The following PROSER1 variants were observed in gnomAD, a reference collection of about 807,000 sequenced individuals.
PROSER1 encodes proline and serine-rich protein 1.
Under a neutral mutation model 71.8 loss-of-function variants are expected in PROSER1, and 36 were observed. That is an observed-to-expected ratio of 0.50 (90% confidence interval 0.38 to 0.66). The LOEUF (loss-of-function observed/expected upper bound fraction) is 0.66. Among genes scored for constraint, PROSER1 ranks in the 30% least tolerant of loss-of-function variants. The pLI, the probability that PROSER1 is intolerant of heterozygous loss-of-function variation, is 0.00. For synonymous variants in PROSER1, 490 were observed against 452.4 expected (o/e 1.08, Z -1.06); for missense variants, 1,107 against 1,135.0 (o/e 0.98, Z 0.35).
In PROSER1 at chr13:39,033,766, TTTTC is replaced by T. The variant is rs2081270902; in HGVS notation, c.111+361_111+364del. ...AAACATATTTCATTATTTGTTCACA[TTTTC>T]TTTTATATTACATGACGAATTTTGT... On this transcript the variant is annotated intron_variant, in intron 2 of 12. Coordinates refer to ENST00000352251, the MANE Select transcript of PROSER1 (RefSeq NM_025138.5). Among the ~76,000 whole-genome samples, 3 of 152,244 alleles carry T rather than the reference TTTTC, an allele frequency of 2.0e-5. No individual in the cohort carries two copies. The South Asian group carries it at 6.2e-4, about 31-fold the overall frequency.
At chr13:39,033,884 C>G (rs1236721527) in intron 2 of PROSER1, among the ~76,000 whole-genome samples, 2 of 152,140 alleles carry the variant, frequency 1.3e-5, no homozygotes, top group Non-Finnish European at 2.9e-5. Flanking sequence ...ACCATAAACA[C>G]TTTGAATTGC....
Position 39,023,089 on chromosome 13 carries a change from C to G in PROSER1, c.606G>C (p.Pro202=). The G allele has an allele frequency of 1.2e-6, 2 of 1,613,054 alleles. No individual in the cohort carries two copies. The highest frequency in any genetic ancestry group is 1.7e-6 in the Non-Finnish European group (2 of 1,179,270). Residue 202 remains proline (P), a synonymous_variant, in exon 8 of 13, where the codon CCG becomes CCC. Coordinates refer to ENST00000352251, the MANE Select transcript of PROSER1 (RefSeq NM_025138.5). ...TTGCATGTGGTCGGCATGGAGGTAT[C>G]GGATAAGGAACAGGTTTATGTGGAT... ...TYNPHKPVPY[P]IPPCRPHATI...
chr13:39,022,353 G>A lies in PROSER1; in HGVS notation c.703C>T (p.Pro235Ser), dbSNP rs778168067. 6.2e-7 allele frequency: 1 copy of A among 1,611,656 alleles called. No homozygotes were observed. The highest frequency in any genetic ancestry group is 8.5e-7 in the Non-Finnish European group (1 of 1,177,844). ...GTTCCTACAGGATTAGGAGTATATG[G>A]AGGTGGAGGTGGAGCTATGACATTC... ...LANVIAPPPP[P>S]YTPNPVGTEN... Residue 235 changes from proline (P) to serine (S), a missense_variant, in exon 9 of 13, where the codon CCA becomes TCA. Pro to Ser is a moderately conservative substitution (Grantham distance 74, BLOSUM62 -1). Coordinates refer to ENST00000352251, the MANE Select transcript of PROSER1 (RefSeq NM_025138.5).
rs1256299411 is a variant in PROSER1 at position 39,037,345 on chromosome 13, AG to A, written c.-104del. 2.3e-6 allele frequency: 2 copies of A among 866,094 alleles called. No individual in the cohort carries two copies. The highest frequency in any genetic ancestry group is 3.3e-5 in the African/African-American group (2 of 59,898). 53.7% of individuals were successfully genotyped at this position (866,094 alleles called of 1,614,324 possible). ...TAGTAAAAAATATTTATAGCTGAGG[AG>A]GAAAAAGACTCCACGAGCAAGAGAG... On this transcript the variant is annotated 5_prime_UTR_variant, in exon 1 of 13. Transcript: ENST00000352251.
chr13:39,037,096 C>T (rs572488022), intron 1 of PROSER1, 102 bp downstream of exon 1: 21 of 882,018 alleles, frequency 2.4e-5, no homozygotes, highest in South Asian at 1.8e-4. Flanking sequence ...ATTTGGCAAT[C>T]CTAGGACCCT....
At chr13:39,024,069 T>C (rs1870426217) in intron 7 of PROSER1, 1 of 165,320 alleles carries the variant, frequency 6.0e-6, no homozygotes, top group African/African-American at 2.4e-5. Flanking sequence ...GGGGTTGTCT[T>C]CTCCTGTCCT....
rs928405540 is a variant in PROSER1, at chr13:39,037,986, C to G, written c.-744G>C. The G allele has an allele frequency of 6.6e-6, 1 of 152,652 alleles. No individual in the cohort carries two copies. Among genetic ancestry groups the G allele is most frequent in the Non-Finnish European group, 1.5e-5 (1 of 68,454 alleles). The allele number at this position is 152,652 out of a possible 1,614,324, so 9.5% of individuals were successfully genotyped here. A position where few individuals can be genotyped will look rare whatever the true frequency, so the allele number is the denominator to read the frequency against. On this transcript the variant is annotated 5_prime_UTR_variant, in exon 1 of 13. Coordinates refer to ENST00000352251, the MANE Select transcript of PROSER1 (RefSeq NM_025138.5). ...GCCCCAACAGCGCCAGACGCCCTGC[C>G]TGGTTACCCCTACAGCCCCCACCAG...
rs541619659 is a variant in PROSER1 at position 39,016,334 on chromosome 13, G to A, written c.775+1166C>T. On this transcript the variant is annotated intron_variant, in intron 10 of 12. Transcript: ENST00000352251. ...AAACTAACACCCTCATTTGACAGAT[G>A]GGCAATCTGAGGCTTGCTATGACTA... Among the ~76,000 whole-genome samples the A allele has an allele frequency of 1.2e-4, 18 of 152,206 alleles. No individual in the cohort carries two copies. In the South Asian group the frequency reaches 3.3e-3, roughly 28 times the overall value.
chr13:39,020,259 C>T, intron 9 of PROSER1, among the ~76,000 whole-genome samples: 1 of 151,970 alleles, frequency 6.6e-6, no homozygotes, highest in East Asian at 1.9e-4. Context: ...GGGAAGAAAA[C>T]ACTACCAGCT....
intron 2 of PROSER1, among the ~76,000 whole-genome samples, chr13:39,033,573 G>A (rs1013051522): frequency 6.6e-6 from 1 of 152,170 alleles, no homozygotes; most frequent in Admixed American, 6.5e-5. Context: ...CCTTGTGTGT[G>A]TGACACACAT....
rs767028747 is a variant in PROSER1, at chr13:39,037,228, G to A, written c.15C>T (p.Ser5=). The change falls in exon 1 of 13, where the codon TCC becomes TCT. Residue 5 remains serine, a synonymous_variant. Transcript: ENST00000352251. ...TAATTTCATCCAGCACCATTTCAAA[G>A]GACTTTTTATCCATCTTGACTACTA... MDKK[S]FEMVLDEIRK... 5 of 1,610,480 alleles carry A rather than the reference G, an allele frequency of 3.1e-6. No homozygotes were observed. The highest frequency in any genetic ancestry group is 1.1e-5 in the South Asian group (1 of 90,984).
chr13:39,025,766 A>G (rs1409442), intron 6 of PROSER1, among the ~76,000 whole-genome samples: 48,924 of 152,116 alleles, frequency 0.32, 9,711 homozygotes, highest in African/African-American at 0.55. Context: ...GGTAATAAAC[A>G]TTTATTGCTT....
rs1416723126 is a variant in PROSER1, at chr13:39,011,318, C to T, written c.*47G>A. 6.3e-7 allele frequency: 1 copy of T among 1,599,604 alleles called. No individual in the cohort carries two copies. The highest frequency in any genetic ancestry group is 1.1e-5 in the South Asian group (1 of 90,162). Reference sequence around the variant, plus strand: ...TTGTCAGATTGTTCATTGCAGTTCTCAGGCAATTCTGATGTTGCTCTGAAG... The same window carrying T: ...TTGTCAGATTGTTCATTGCAGTTCTTAGGCAATTCTGATGTTGCTCTGAAG... On this transcript the variant is annotated 3_prime_UTR_variant, in exon 13 of 13. Transcript: ENST00000352251.
At position 39,034,174 on chromosome 13, in the gene PROSER1, A is replaced by T; in HGVS notation, c.68T>A (p.Leu23Ter). Residue 23 changes from leucine to a stop codon, truncating the protein, a stop_gained, in exon 2 of 13, where the codon TTA becomes TAA. Coordinates refer to ENST00000352251, the MANE Select transcript of PROSER1 (RefSeq NM_025138.5). LOFTEE classifies it high-confidence loss of function. ...IRKAVLTEYK[L>*]KAIEYVHGYF... ...TCCATGCACATATTCAATTGCTTTT[A>T]ATTTGTATTCTGTCAAAACAGCCTA... 6.3e-7 allele frequency: 1 copy of T among 1,589,400 alleles called. No individual in the cohort carries two copies. Among genetic ancestry groups the T allele is most frequent in the Non-Finnish European group, 8.5e-7 (1 of 1,171,064 alleles).
At position 39,011,132 on chromosome 13, in the gene PROSER1, C is replaced by T; in HGVS notation, c.*233G>A. The T allele has an allele frequency of 2.2e-6, 1 of 460,610 alleles. No individual in the cohort carries two copies. The highest frequency in any genetic ancestry group is 4.1e-5 in the East Asian group (1 of 24,648). 28.5% of individuals were successfully genotyped at this position (460,610 alleles called of 1,614,324 possible). The stretch of plus-strand genomic sequence containing the variant: ...TTTTATAGGACAGGTGAAAAGTCTC[C>T]AAACACTTTTTAAATACCATTCTCC... On this transcript the variant is annotated 3_prime_UTR_variant, in exon 13 of 13. Coordinates refer to ENST00000352251, the MANE Select transcript of PROSER1 (RefSeq NM_025138.5).
At chr13:39,030,053 G>T (rs1415512409) in intron 3 of PROSER1, among the ~76,000 whole-genome samples, 2 of 152,168 alleles carry the variant, frequency 1.3e-5, no homozygotes, top group Admixed American at 1.3e-4. Flanking sequence ...ATCAACATAA[G>T]TAAGACTGGT....
intron 2 of PROSER1, among the ~76,000 whole-genome samples, chr13:39,033,794 G>T (rs548792733): frequency 6.6e-6 from 1 of 151,932 alleles, no homozygotes; most frequent in African/African-American, 2.4e-5. Context: ...GACGAATTTT[G>T]TAATTGTCTT....
At chr13:39,027,492 A>T (rs1870602859) in intron 5 of PROSER1, among the ~76,000 whole-genome samples, 2 of 152,178 alleles carry the variant, frequency 1.3e-5, no homozygotes, top group South Asian at 4.1e-4. Flanking sequence ...AAGAAAGAAA[A>T]CTACAGCAGT....
At chr13:39,030,152 G>A (rs1870768284) in intron 3 of PROSER1, among the ~76,000 whole-genome samples, 1 of 152,052 alleles carries the variant, frequency 6.6e-6, no homozygotes, top group Admixed American at 6.5e-5. Flanking sequence ...AAAACTATAA[G>A]CCCCTTTGCA....
Sources: gnomAD v4.1 joint callset for allele counts (sites outside exome capture counted in the v4.1 genomes callset) on GRCh38, gnomAD v4.1.1 for gene constraint, MANE v1.5 for transcripts, NCBI Gene and HGNC (gene_info 2026-07-23, HGNC 2026-07-21) for gene names.